NIPAL2: variants seen among roughly 807,000 people sequenced by gnomAD.
The protein encoded by NIPAL2 is NIPA-like protein 2.
NIPAL2 carries 43 observed loss-of-function variants against 48.9 expected under a neutral mutation model. That is an observed-to-expected ratio of 0.88 (90% CI 0.69 to 1.13). The LOEUF is 1.13. NIPAL2 is among the 50% of genes most tolerant of loss of function. The pLI, the probability that NIPAL2 is intolerant of heterozygous loss-of-function variation, is 0.00. For synonymous variants in NIPAL2, 167 were observed against 174.6 expected, an observed-to-expected ratio of 0.96 and a Z score of 0.34; for missense variants, 446 against 461.4, an observed-to-expected ratio of 0.97 and a Z score of 0.31.
chr8:98,248,353 T>C (rs1813407744), intron 3 of NIPAL2, among the ~76,000 whole-genome samples: 1 of 152,178 alleles, frequency 6.6e-6, no homozygotes, highest in African/African-American at 2.4e-5. Flanking sequence ...AATAAGGTAT[T>C]TTATTTATCT....
At chr8:98,289,260 GCAGTTT>G (rs1382920325) in intron 1 of NIPAL2, among the ~76,000 whole-genome samples, 4 of 151,930 alleles carry the variant, frequency 2.6e-5, no homozygotes, top group Non-Finnish European at 5.9e-5. Flanking sequence ...CTGTAATCTG[GCAGTTT>G]CCCATAGCCT....
At chr8:98,262,398 G>C (rs1814404964) in intron 1 of NIPAL2, among the ~76,000 whole-genome samples, 1 of 148,158 alleles carries the variant, frequency 6.7e-6, no homozygotes, top group African/African-American at 2.5e-5. Context: ...CACGTGCAGA[G>C]ACACACATAG....
At chr8:98,194,978 A>G (rs57071350) in intron 9 of NIPAL2, among the ~76,000 whole-genome samples, 156 bp from the exon 10 acceptor site, 5,378 of 152,244 alleles carry the variant, frequency 0.035, 309 homozygotes, top group African/African-American at 0.12. Context: ...CTTAATTAGC[A>G]CAGCCAATAG....
intron 8 of NIPAL2, 68 bp downstream of exon 8, chr8:98,203,040 T>C: frequency 8.2e-7 from 1 of 1,216,792 alleles, no homozygotes; most frequent in South Asian, 1.2e-5. Flanking sequence ...TTCTGGATTC[T>C]CTCATTTACT....
At chr8:98,217,116 G>A (rs1358706718) in intron 5 of NIPAL2, 28 of 985,346 alleles carry the variant, frequency 2.8e-5, no homozygotes, top group Non-Finnish European at 2.9e-5. Flanking sequence ...CAGACAGGCT[G>A]GGAAAGGCTG....
At chr8:98,208,719 G>A (rs1811162013) in intron 6 of NIPAL2, among the ~76,000 whole-genome samples, 1 of 152,162 alleles carries the variant, frequency 6.6e-6, no homozygotes, top group Non-Finnish European at 1.5e-5. Context: ...AAAGTGCTGG[G>A]ATTACAGGTG....
Position 98,212,851 on chromosome 8 carries a change from C to A in NIPAL2, c.559-350G>T, listed in dbSNP as rs371192853. 5.8e-4 allele frequency among the ~76,000 whole-genome samples: 89 copies of A among 152,270 alleles called. 1 individual carries two copies. In the South Asian group the frequency reaches 0.018, roughly 31 times the overall value. ...AGATTCCCTACCTTCCCAGCTTGTT[C>A]CTCCAGGGCCTTTGCCTGCCAGTTA... is the stretch of plus-strand genomic sequence containing the variant. On this transcript the variant is annotated intron_variant, in intron 5 of 10. Coordinates refer to ENST00000430223, the MANE Select transcript of NIPAL2 (RefSeq NM_001321635.2).
At chr8:98,262,653 G>C (rs1352216945) in intron 1 of NIPAL2, among the ~76,000 whole-genome samples, 12 of 150,058 alleles carry the variant, frequency 8.0e-5, no homozygotes, top group African/African-American at 2.7e-4. Flanking sequence ...CCTACAAAGA[G>C]ACTTAGACTC....
chr8:98,284,391 C>T (rs1816031262), intron 1 of NIPAL2, among the ~76,000 whole-genome samples: 1 of 145,958 alleles, frequency 6.9e-6, no homozygotes, highest in African/African-American at 2.6e-5. Flanking sequence ...TCAAGTATTT[C>T]TAAGGCATTC....
intron 3 of NIPAL2, among the ~76,000 whole-genome samples, chr8:98,249,172 A>G (rs1324274412): frequency 6.6e-6 from 1 of 152,106 alleles, no homozygotes; most frequent in Non-Finnish European, 1.5e-5. Flanking sequence ...GGCCCCAAGA[A>G]GCTCTACACT....
chr8:98,270,580 G>C (rs957527207), intron 1 of NIPAL2, among the ~76,000 whole-genome samples: 1 of 152,036 alleles, frequency 6.6e-6, no homozygotes, highest in African/African-American at 2.4e-5. Flanking sequence ...TTGGATATTA[G>C]TTCAAAATCT....
intron 1 of NIPAL2, among the ~76,000 whole-genome samples, chr8:98,259,470 G>C (rs1389157798): frequency 6.6e-6 from 1 of 152,128 alleles, no homozygotes; most frequent in Non-Finnish European, 1.5e-5. Context: ...TAATGTATCA[G>C]ACAAGTTATT....
At chr8:98,209,325 T>G (rs1811191180) in intron 6 of NIPAL2, among the ~76,000 whole-genome samples, 2 of 151,306 alleles carry the variant, frequency 1.3e-5, no homozygotes, top group South Asian at 4.2e-4. Context: ...TAAGACCACT[T>G]GGGCCAGGTG....
chr8:98,281,497 A>G (rs768404578), intron 1 of NIPAL2, among the ~76,000 whole-genome samples: 1 of 152,108 alleles, frequency 6.6e-6, no homozygotes, highest in Non-Finnish European at 1.5e-5. Flanking sequence ...GTATAATTGG[A>G]TTGTTTGTAA....
At chr8:98,219,208 G>A (rs904343786) in intron 5 of NIPAL2, among the ~76,000 whole-genome samples, 3 of 152,166 alleles carry the variant, frequency 2.0e-5, no homozygotes, top group Admixed American at 6.5e-5. Flanking sequence ...CCAGGGTTGA[G>A]TAATAAGTGG....
chr8:98,256,152 T>C (rs1219629038), intron 1 of NIPAL2, among the ~76,000 whole-genome samples: 1 of 152,060 alleles, frequency 6.6e-6, no homozygotes, highest in Non-Finnish European at 1.5e-5. Flanking sequence ...GCCTCCCCAG[T>C]AGCTGGAACC....
intron 1 of NIPAL2, among the ~76,000 whole-genome samples, chr8:98,259,070 C>CTTTT (rs869220202): frequency 3.6e-4 from 15 of 41,870 alleles, no homozygotes; most frequent in East Asian, 1.7e-3. Context: ...TTAAATATTC[C>CTTTT]TTTTTTTTTT....
At chr8:98,202,543 G>C (rs1178664724) in intron 8 of NIPAL2, among the ~76,000 whole-genome samples, 1 of 152,148 alleles carries the variant, frequency 6.6e-6, no homozygotes, top group African/African-American at 2.4e-5. Context: ...GGTTGTTAAA[G>C]AGACTGGGAC....
chr8:98,212,564 T>A, intron 5 of NIPAL2, 63 bp from the exon 6 acceptor site: 1 of 836,954 alleles, frequency 1.2e-6, no homozygotes, highest in Non-Finnish European at 2.0e-6. Flanking sequence ...AATGTCACAC[T>A]TCTCATTTTG....
Sources: allele counts gnomAD v4.1 joint callset (sites outside exome capture counted in the v4.1 genomes callset), GRCh38; gene constraint gnomAD v4.1.1; transcripts MANE v1.5; gene names NCBI Gene and HGNC (gene_info 2026-07-23, HGNC 2026-07-21).